Variants in COL9A1 observed in about 807,000 individuals in gnomAD.
The protein encoded by COL9A1 is collagen type IX alpha 1 chain, also known as collagen alpha-1(IX) chain.
Under a neutral mutation model 142.6 loss-of-function variants are expected in COL9A1, and 104 were observed. The ratio of observed to expected loss-of-function variants is 0.73; its 90% confidence interval spans 0.62 to 0.86. The LOEUF is 0.86. Ranked by LOEUF, COL9A1 falls within the 40% of genes least tolerant of loss-of-function variation. The pLI, the probability that COL9A1 is intolerant of heterozygous loss-of-function variation, is 0.00. For missense variants in COL9A1, 1,210 were observed against 1,176.6 expected (o/e 1.03, Z -0.42); for synonymous variants, 466 against 396.0 (o/e 1.18, Z -2.10).
chr6:70,300,119 G>A lies in COL9A1; in HGVS notation c.223C>T (p.Gln75Ter). 1.9e-6 allele frequency: 3 copies of A among 1,613,728 alleles called. No homozygotes were observed. The highest frequency in any genetic ancestry group is 2.5e-6 in the Non-Finnish European group (3 of 1,179,808). Reference protein sequence around the residue: ...VDKAASRRAIQRVVGSATLQV... With the variant: ...VDKAASRRAI ...AATGTAGCTGATCCCACTACTCTCT[G>A]GATAGCTCTTCTAGATGCTGCTTTA... Residue 75 changes from glutamine to a stop codon, truncating the protein, a stop_gained, in exon 4 of 38, where the codon CAG (glutamine) becomes TAG (stop). Coordinates refer to ENST00000357250, the MANE Select transcript of COL9A1 (RefSeq NM_001851.6). LOFTEE classifies it high-confidence loss of function.
rs537545888 is a variant in COL9A1 at position 70,259,257 on chromosome 6, C to T, written c.1449+1400G>A. Reference sequence around the variant, plus strand: ...TTTATTGAGCATGTACAACGTACAACGTATTGTTAATTAACTGTTAATAAA... The same window carrying T: ...TTTATTGAGCATGTACAACGTACAATGTATTGTTAATTAACTGTTAATAAA... On this transcript the variant is annotated intron_variant, in intron 20 of 37. Transcript: ENST00000357250. 6.6e-5 allele frequency among the ~76,000 whole-genome samples: 10 copies of T among 152,168 alleles called. No homozygotes were observed. In the South Asian group the frequency reaches 8.3e-4, roughly 13 times the overall value.
chr6:70,281,417 A>AG lies in COL9A1; in HGVS notation c.848dup (p.Gly284TrpfsTer11), dbSNP rs941174282. 5.6e-6 allele frequency: 9 copies of AG among 1,611,790 alleles called. No individual in the cohort carries two copies. The Admixed American group carries it at 6.7e-5, about 12-fold the overall frequency. The stretch of plus-strand genomic sequence containing the variant: ...CGATGCCATCGATGCCTGGAACTCC[A>AG]GGGGGGCCCGGAGGCCCGGGAGGAC... On this transcript the variant is annotated frameshift_variant, in exon 8 of 38. Coordinates refer to ENST00000357250, the MANE Select transcript of COL9A1 (RefSeq NM_001851.6). LOFTEE classifies it high-confidence loss of function.
chr6:70,286,246 T>C (rs1176076653), intron 5 of COL9A1, among the ~76,000 whole-genome samples: 1 of 152,224 alleles, frequency 6.6e-6, no homozygotes, highest in Non-Finnish European at 1.5e-5. Flanking sequence ...AAGGTTACAG[T>C]AATGCCCAGC....
intron 5 of COL9A1, among the ~76,000 whole-genome samples, chr6:70,285,308 A>G (rs1396282710): frequency 6.6e-6 from 1 of 152,224 alleles, no homozygotes; most frequent in Admixed American, 6.5e-5. Flanking sequence ...CCACATAAAC[A>G]TCACCTACAC....
Position 70,283,773 on chromosome 6 carries a change from C to T in COL9A1, c.744G>A (p.Arg248=). Residue 248 remains arginine (R), a synonymous_variant, in exon 6 of 38, where the codon AGG becomes AGA. Coordinates refer to ENST00000357250, the MANE Select transcript of COL9A1 (RefSeq NM_001851.6). ...CTGGCAGCTCATGGCAAGTTTCTCTCCTGGGCCGCAGGGGGTCACAATGGA... is the reference window on the plus strand; with the variant it reads ...CTGGCAGCTCATGGCAAGTTTCTCTTCTGGGCCGCAGGGGGTCACAATGGA... ...MLIHCDPLRP[R]RETCHELPAR... The T allele has an allele frequency of 6.2e-7, 1 of 1,611,950 alleles. No homozygotes were observed. Among genetic ancestry groups the T allele is most frequent in the Non-Finnish European group, 8.5e-7 (1 of 1,179,188 alleles).
At chr6:70,259,930 A>G (rs1340824671) in intron 20 of COL9A1, among the ~76,000 whole-genome samples, 1 of 151,938 alleles carries the variant, frequency 6.6e-6, no homozygotes, top group African/African-American at 2.4e-5. Context: ...GGGCTCATGG[A>G]TCAGCTTGCA....
At chr6:70,298,636 G>A (rs564031) in intron 4 of COL9A1, among the ~76,000 whole-genome samples, 92,377 of 151,910 alleles carry the variant, frequency 0.61, 28,156 homozygotes, top group Middle Eastern at 0.67. Context: ...AGGAAGCCAC[G>A]TGGCATCAAA....
chr6:70,256,855 G>A, intron 20 of COL9A1, 34 bp from the exon 21 acceptor site: 1 of 1,601,522 alleles, frequency 6.2e-7, no homozygotes, highest in South Asian at 1.1e-5. Flanking sequence ...AAAAAACTGA[G>A]ATCAGTCATG....
chr6:70,256,251 C>T (rs1184116012), intron 21 of COL9A1, among the ~76,000 whole-genome samples: 2 of 152,210 alleles, frequency 1.3e-5, no homozygotes, highest in Non-Finnish European at 2.9e-5. Context: ...GAACACAGGA[C>T]TTTGACAGTT....
At chr6:70,293,861 T>G (rs1773747726) in intron 5 of COL9A1, among the ~76,000 whole-genome samples, 1 of 152,202 alleles carries the variant, frequency 6.6e-6, no homozygotes, top group Non-Finnish European at 1.5e-5. Context: ...CTTGACTAAC[T>G]GAATCTGTCA....
intron 4 of COL9A1, among the ~76,000 whole-genome samples, chr6:70,297,281 G>A (rs1329826988): frequency 2.0e-5 from 3 of 152,106 alleles, no homozygotes; most frequent in South Asian, 2.1e-4. Context: ...CAGATACATC[G>A]TTAAACTAAT....
At chr6:70,244,119 A>G (rs747426891) in intron 28 of COL9A1, among the ~76,000 whole-genome samples, 1 of 152,268 alleles carries the variant, frequency 6.6e-6, no homozygotes, top group Non-Finnish European at 1.5e-5. Flanking sequence ...GCCAGTTTAC[A>G]ACAATCTAGC....
rs200640478 is a variant in COL9A1 at position 70,217,121 on chromosome 6, C to A, written c.2582-40G>T. On this transcript the variant is annotated intron_variant, in intron 37 of 37. Coordinates refer to ENST00000357250, the MANE Select transcript of COL9A1 (RefSeq NM_001851.6). ...AGATTGCACATGTGAACAGGAGAAT[C>A]CTCATTGATGCAAACTGGCAGAGGG... 2,977 of 1,607,794 alleles carry A rather than the reference C, an allele frequency of 1.9e-3. 11 individuals are homozygous for A. The highest frequency in any genetic ancestry group is 0.012 in the Middle Eastern group (71 of 6,046).
At chr6:70,268,529 T>C (rs990907982) in intron 17 of COL9A1, among the ~76,000 whole-genome samples, 6 of 152,212 alleles carry the variant, frequency 3.9e-5, no homozygotes, top group African/African-American at 1.4e-4. Flanking sequence ...AGCAAACTTC[T>C]GAATCTTACT....
At position 70,302,918 on chromosome 6, in the gene COL9A1, T is replaced by G. The variant is rs759851039; in HGVS notation, c.7A>C (p.Thr3Pro). 6.2e-7 allele frequency: 1 copy of G among 1,614,098 alleles called. No homozygotes were observed. The highest frequency in any genetic ancestry group is 8.5e-7 in the Non-Finnish European group (1 of 1,179,970). The change falls in exon 1 of 38, where the codon ACC becomes CCC. Residue 3 changes from threonine (T) to proline (P), a missense_variant. Physicochemically the swap from Thr to Pro is conservative, Grantham distance 38 (BLOSUM62 -1). Transcript: ENST00000357250. Reference sequence around the variant, plus strand: ...CCAGGGTTATTGTCTTACCAGCAGGTCTTCATTTTCCCAGTTGATTTTCTT... The same window carrying G: ...CCAGGGTTATTGTCTTACCAGCAGGGCTTCATTTTCCCAGTTGATTTTCTT... Reference protein sequence around the residue: MKTCWKIPVFFFV... With the variant: MKPCWKIPVFFFV...
chr6:70,268,884 G>A, intron 16 of COL9A1, 24 bp from the exon 17 acceptor site: 1 of 1,611,544 alleles, frequency 6.2e-7, no homozygotes, highest in East Asian at 2.2e-5. Context: ...AGGGAACAAA[G>A]AGAAAGAAAG....
At chr6:70,281,114 G>T in intron 8 of COL9A1, 75 bp from the exon 9 acceptor site, 1 of 1,279,624 alleles carries the variant, frequency 7.8e-7, no homozygotes, top group Non-Finnish European at 1.1e-6. Context: ...ACAATCCCAG[G>T]AGAGCTCACT....
At chr6:70,238,684 T>C (rs968903509) in intron 33 of COL9A1, among the ~76,000 whole-genome samples, 1 of 152,198 alleles carries the variant, frequency 6.6e-6, no homozygotes, top group Non-Finnish European at 1.5e-5. Flanking sequence ...GTAACACTCA[T>C]TGAGTCATTT....
At chr6:70,291,520 C>T (rs1277750610) in intron 5 of COL9A1, among the ~76,000 whole-genome samples, 1 of 152,112 alleles carries the variant, frequency 6.6e-6, no homozygotes, top group African/African-American at 2.4e-5. Flanking sequence ...GTTTACTTGT[C>T]TCAACTCCTT....
Sources: gnomAD v4.1 joint callset for allele counts (sites outside exome capture counted in the v4.1 genomes callset) on GRCh38, gnomAD v4.1.1 for gene constraint, MANE v1.5 for transcripts, NCBI Gene and HGNC (gene_info 2026-07-23, HGNC 2026-07-21) for gene names.